The following GLIS3 variants were observed in gnomAD, a reference collection of about 807,000 sequenced individuals.
The protein encoded by GLIS3 is GLIS family zinc finger 3, also known as zinc finger protein GLIS3.
GLIS3 carries 53 observed loss-of-function variants against 78.6 expected under a neutral mutation model. The observed-to-expected ratio is 0.67, with a 90% CI of 0.54 to 0.85. GLIS3 has a LOEUF of 0.85. Ranked by LOEUF, GLIS3 falls within the 40% of genes least tolerant of loss-of-function variation. GLIS3 has a pLI of 0.00. For synonymous variants in GLIS3, 684 were observed against 509.9 expected, an observed-to-expected ratio of 1.34 and a Z score of -4.60; for missense variants, 1,703 against 1,231.1, an observed-to-expected ratio of 1.38 and a Z score of -5.74.
At chr9:4,240,411 C>T (rs573697269) in intron 2 of GLIS3, among the ~76,000 whole-genome samples, 1 of 152,100 alleles carries the variant, frequency 6.6e-6, no homozygotes, top group African/African-American at 2.4e-5. Context: ...TGCTGTGGGA[C>T]CCAGTTCCTA....
the GLIS3 span, among the ~76,000 whole-genome samples, chr9:4,414,058 G>T: frequency 6.6e-6 from 1 of 152,102 alleles, no homozygotes; most frequent in Non-Finnish European, 1.5e-5. Context: ...AAACACTAAA[G>T]ACTCATGTAC....
At chr9:4,473,454 C>CACCAAAAAAAAA in the GLIS3 span, among the ~76,000 whole-genome samples, 70 of 58,868 alleles carry the variant, frequency 1.2e-3, 12 homozygotes, top group Middle Eastern at 0.032. Flanking sequence ...TCAACAACAA[C>CACCAAAAAAAAA]AACAACAAAA....
chr9:3,943,957 C>T (rs1816110250), intron 4 of GLIS3, among the ~76,000 whole-genome samples: 1 of 152,136 alleles, frequency 6.6e-6, no homozygotes, highest in African/African-American at 2.4e-5. Flanking sequence ...ACAAAATCGG[C>T]CTATTAACTA....
At chr9:4,163,280 G>A (rs77791855) in intron 2 of GLIS3, among the ~76,000 whole-genome samples, 7 of 151,994 alleles carry the variant, frequency 4.6e-5, no homozygotes, top group South Asian at 2.1e-4. Flanking sequence ...GCGCACGCGC[G>A]CACACATACC....
chr9:3,983,254 A>G (rs1819451607), intron 4 of GLIS3, among the ~76,000 whole-genome samples: 1 of 152,204 alleles, frequency 6.6e-6, no homozygotes, highest in Non-Finnish European at 1.5e-5. Context: ...CATGTAAGAC[A>G]TGACTTGCTC....
At chr9:3,987,995 G>A (rs1360364521) in intron 4 of GLIS3, among the ~76,000 whole-genome samples, 1 of 151,962 alleles carries the variant, frequency 6.6e-6, no homozygotes, top group East Asian at 1.9e-4. Context: ...GTATAGTGAT[G>A]ATTAAAATTT....
intron 2 of GLIS3, among the ~76,000 whole-genome samples, chr9:4,236,614 C>T (rs957428693): frequency 1.3e-5 from 2 of 152,128 alleles, no homozygotes; most frequent in Admixed American, 1.3e-4. Context: ...AGTCTAATTT[C>T]CACCACATGA....
chr9:4,416,252 T>TTTAAAAAAAAAAAA, the GLIS3 span, among the ~76,000 whole-genome samples: 1 of 75,840 alleles, frequency 1.3e-5, no homozygotes, highest in African/African-American at 5.3e-5. Context: ...ACACTGTTTT[T>TTTAAAAAAAAAAAA]AAAAAAAAAA....
At chr9:3,893,141 A>C (rs370189275) in intron 7 of GLIS3, among the ~76,000 whole-genome samples, 1 of 152,188 alleles carries the variant, frequency 6.6e-6, no homozygotes, top group Non-Finnish European at 1.5e-5. Flanking sequence ...AAAATAACCA[A>C]TACTTTTCCC....
chr9:4,301,984 ATT>A, upstream of GLIS3, among the ~76,000 whole-genome samples: 1 of 148,612 alleles, frequency 6.7e-6, no homozygotes, highest in East Asian at 2.0e-4. Context: ...CTTTGGTTGA[ATT>A]TTTTTCTTTT....
intron 4 of GLIS3, among the ~76,000 whole-genome samples, chr9:4,032,609 A>T (rs72685700): frequency 0.09 from 13,707 of 152,268 alleles, 692 homozygotes; most frequent in Non-Finnish European, 0.11. Flanking sequence ...CTAATGTGCA[A>T]CAAGGAAAAC....
intron 4 of GLIS3, among the ~76,000 whole-genome samples, chr9:4,055,809 G>C (rs1249815460): frequency 6.6e-6 from 1 of 152,170 alleles, no homozygotes; most frequent in Non-Finnish European, 1.5e-5. Context: ...GGATGTAAAG[G>C]AGCCCTACCA....
rs752611538 is a variant in GLIS3, at chr9:4,286,283, C to G, written c.143G>C (p.Ser48Thr). 2.5e-6 allele frequency: 4 copies of G among 1,614,248 alleles called. No homozygotes were observed. The highest frequency in any genetic ancestry group is 3.3e-5 in the Admixed American group (2 of 60,026). ...GTTAGCAAGGCTTGCCATAGTGGGA[C>G]TCGATGTGCTGCCACAGGGCGAGGG... is the stretch of plus-strand genomic sequence containing the variant. ...PGPSPCGSTSSPTMASLANNL... is the reference protein window; with the variant it reads ...PGPSPCGSTSTPTMASLANNL... The change falls in exon 2 of 11, where the codon AGT becomes ACT. Residue 48 changes from serine to threonine, a missense_variant. By Grantham distance (58) the Ser-to-Thr change is moderately conservative (BLOSUM62 1). Transcript: ENST00000381971.
At chr9:4,358,256 CT>C in the GLIS3 span, among the ~76,000 whole-genome samples, 3 of 151,934 alleles carry the variant, frequency 2.0e-5, no homozygotes, top group African/African-American at 4.8e-5. Flanking sequence ...AGGAATTCTG[CT>C]TTTTTTTGTA....
chr9:4,299,202 T>G lies in GLIS3; in HGVS notation c.-99+219A>C, dbSNP rs974205376. On this transcript the variant is annotated intron_variant, in intron 1 of 10. Transcript: ENST00000381971. ...GAAACATGGTTTGAACCCTAATTGT[T>G]GCTATCAGTCTCAGTCAGCGCAGGT... 8.5e-5 allele frequency among the ~76,000 whole-genome samples: 13 copies of G among 152,308 alleles called. No homozygotes were observed. In the East Asian group the frequency reaches 2.5e-3, roughly 29 times the overall value.
chr9:4,436,193 T>A, the GLIS3 span, among the ~76,000 whole-genome samples: 2 of 152,154 alleles, frequency 1.3e-5, no homozygotes, highest in Non-Finnish European at 2.9e-5. Context: ...CACAAAGCTT[T>A]GTAGTAAAAA....
chr9:3,959,322 C>A (rs1031794604), intron 4 of GLIS3, among the ~76,000 whole-genome samples: 6 of 152,160 alleles, frequency 3.9e-5, no homozygotes, highest in Non-Finnish European at 8.8e-5. Flanking sequence ...TTGCTGGCAC[C>A]TTGATATTCG....
At chr9:4,475,821 C>T in the GLIS3 span, among the ~76,000 whole-genome samples, 1 of 152,148 alleles carries the variant, frequency 6.6e-6, no homozygotes, top group African/African-American at 2.4e-5. Context: ...GATAATTAGT[C>T]GCTACCTACA....
chr9:3,852,310 G>A (rs551842664), intron 9 of GLIS3, among the ~76,000 whole-genome samples: 14 of 152,180 alleles, frequency 9.2e-5, no homozygotes, highest in African/African-American at 2.9e-4. Context: ...CTCTACCTAC[G>A]GCAGGGAGTA....
Sources: gnomAD v4.1 joint callset for allele counts (sites outside exome capture counted in the v4.1 genomes callset) on GRCh38, gnomAD v4.1.1 for gene constraint, MANE v1.5 for transcripts, NCBI Gene and HGNC (gene_info 2026-07-23, HGNC 2026-07-21) for gene names.